The following KMO variants were observed in gnomAD, a reference collection of about 807,000 sequenced individuals.
The protein encoded by KMO is kynurenine 3-monooxygenase.
In KMO, 24 loss-of-function variants were observed where a neutral mutation model predicts 57.8. That is an observed-to-expected ratio of 0.42 (90% CI 0.30 to 0.58). KMO has a LOEUF of 0.58. KMO is among the 20% of genes least tolerant of loss of function. The pLI is 0.22. For missense variants in KMO, 483 were observed against 588.2 expected (o/e 0.82, Z 1.85); for synonymous variants, 210 against 193.6 (o/e 1.08, Z -0.70).
intron 1 of KMO, among the ~76,000 whole-genome samples, chr1:241,533,041 A>G (rs1341147687): frequency 6.6e-6 from 1 of 152,238 alleles, no homozygotes; most frequent in African/African-American, 2.4e-5. Flanking sequence ...CCAGTGGAGC[A>G]CCTAAGACAG....
chr1:241,569,735 G>A (rs574183939), intron 10 of KMO, among the ~76,000 whole-genome samples: 1 of 152,014 alleles, frequency 6.6e-6, no homozygotes, highest in African/African-American at 2.4e-5. Context: ...GAACCTCCAT[G>A]CTGTTTTCCA....
intron 1 of KMO, among the ~76,000 whole-genome samples, chr1:241,535,798 C>G (rs994029209): frequency 6.6e-6 from 1 of 152,208 alleles, no homozygotes; most frequent in African/African-American, 2.4e-5. Flanking sequence ...GGATTACCTC[C>G]TGCTAGTTCC....
Position 241,541,506 on chromosome 1 carries a change from T to C in KMO, c.55-7323T>C, listed in dbSNP as rs374809828. ...ACAGGTTCAGTAGTCACAGATGGAG[T>C]TCAGGACGAAGATCAAGACTAGAGT... On this transcript the variant is annotated intron_variant, in intron 1 of 14. Coordinates refer to ENST00000366559, the MANE Select transcript of KMO (RefSeq NM_003679.5). Among the ~76,000 whole-genome samples, 14 of 151,952 alleles carry C rather than the reference T, an allele frequency of 9.2e-5. No individual in the cohort carries two copies. In the South Asian group the frequency reaches 1.5e-3, roughly 16 times the overall value.
intron 1 of KMO, among the ~76,000 whole-genome samples, chr1:241,538,676 C>G (rs912303235): frequency 6.6e-6 from 1 of 152,064 alleles, no homozygotes; most frequent in African/African-American, 2.4e-5. Context: ...ATATGAAAAA[C>G]TCTCATTAGT....
intron 10 of KMO, among the ~76,000 whole-genome samples, chr1:241,576,741 G>A (rs1662534447): frequency 6.6e-6 from 1 of 151,978 alleles, no homozygotes; most frequent in Non-Finnish European, 1.5e-5. Flanking sequence ...TGTTCTTTTT[G>A]TAATGAATCT....
intron 1 of KMO, among the ~76,000 whole-genome samples, chr1:241,537,097 T>C (rs1660779153): frequency 6.6e-6 from 1 of 152,178 alleles, no homozygotes; most frequent in Non-Finnish European, 1.5e-5. Flanking sequence ...GGACTGGGAA[T>C]AGCAGAGTTT....
Position 241,557,374 on chromosome 1 carries a change from C to T in KMO, c.361+1714C>T, listed in dbSNP as rs968065914. ...TCTACTATCTTTTAAACTAGTCCCT[C>T]GTGATGGAGCCCAGTAGACTCTGAT... On this transcript the variant is annotated intron_variant, in intron 5 of 14. Coordinates refer to ENST00000366559, the MANE Select transcript of KMO (RefSeq NM_003679.5). Among the ~76,000 whole-genome samples the T allele has an allele frequency of 9.2e-5, 14 of 152,136 alleles. 1 individual carries two copies. Among genetic ancestry groups the T allele is most frequent in the Admixed American group, 6.5e-4 (10 of 15,284 alleles).
chr1:241,574,663 G>T (rs764755509), intron 10 of KMO, among the ~76,000 whole-genome samples: 42 of 151,902 alleles, frequency 2.8e-4, no homozygotes, highest in Non-Finnish European at 5.9e-4. Context: ...GTTGGATTTG[G>T]TTAGCTAGTA....
chr1:241,575,692 A>G (rs1289745752), intron 10 of KMO, among the ~76,000 whole-genome samples: 1 of 152,060 alleles, frequency 6.6e-6, no homozygotes, highest in Admixed American at 6.5e-5. Flanking sequence ...GACCTACCAT[A>G]TGGTTTATCT....
chr1:241,546,989 A>T (rs1046796463), intron 1 of KMO, among the ~76,000 whole-genome samples: 7 of 152,192 alleles, frequency 4.6e-5, no homozygotes, highest in African/African-American at 1.7e-4. Context: ...GAGAAGGTTA[A>T]TGTTTCCAGA....
In KMO at chr1:241,560,671, A is replaced by T. The variant is rs1661802657; in HGVS notation, c.368A>T (p.Glu123Val). The change falls in exon 6 of 15, where the codon GAG (glutamate) becomes GTG (valine). Residue 123 changes from glutamate (E) to valine (V), a missense_variant. This residue lies in a region of KMO where 410 missense variants were observed against 492.3 expected (regional missense o/e 0.83). Transcript: ENST00000366559. ...NLNKDLLTAA[E>V]KYPNVKMHFN... The stretch of plus-strand genomic sequence containing the variant: ...TCTTTCTCCATTTCCTCAGCTGCTG[A>T]GAAATACCCCAATGTGAAAATGCAC... The T allele has an allele frequency of 6.2e-7, 1 of 1,611,064 alleles. No individual in the cohort carries two copies. Among genetic ancestry groups the T allele is most frequent in the Non-Finnish European group, 8.5e-7 (1 of 1,177,228 alleles).
chr1:241,571,889 A>T lies in KMO; in HGVS notation c.957+3242A>T, dbSNP rs530670689. 3.2e-3 allele frequency among the ~76,000 whole-genome samples: 318 copies of T among 99,188 alleles called. 1 individual carries two copies. Among genetic ancestry groups the T allele is most frequent in the Middle Eastern group, 9.3e-3 (1 of 108 alleles). The allele number at this position is 99,188 out of a possible 152,430, so 65.1% of individuals were successfully genotyped here. A position where few individuals can be genotyped will look rare whatever the true frequency, so the allele number is the denominator to read the frequency against. ...CTTTTTTTTTTTTTTTTTTTTTGAG[A>T]TGGAGTCTCGCTCTGTTGCCAGGCT... On this transcript the variant is annotated intron_variant, in intron 10 of 14. Transcript: ENST00000366559.
chr1:241,588,549 G>A (rs1663111541), intron 11 of KMO, among the ~76,000 whole-genome samples, 199 bp from the exon 12 acceptor site: 1 of 151,912 alleles, frequency 6.6e-6, no homozygotes, highest in Non-Finnish European at 1.5e-5. Flanking sequence ...TAATTTTGTT[G>A]TAATTTTTAT....
rs183768927 is a variant in KMO at position 241,562,944 on chromosome 1, G to A, written c.615+612G>A. Among the ~76,000 whole-genome samples the A allele has an allele frequency of 4.6e-3, 364 of 78,390 alleles. 2 individuals are homozygous for A. Among genetic ancestry groups the A allele is most frequent in the African/African-American group, 0.012 (343 of 27,486 alleles). 51.4% of individuals were successfully genotyped at this position (78,390 alleles called of 152,430 possible). On this transcript the variant is annotated intron_variant, in intron 7 of 14. Coordinates refer to ENST00000366559, the MANE Select transcript of KMO (RefSeq NM_003679.5). ...GAAGGAAGGAAGGAAGGAAGGAGAC[G>A]GGAAGGGAAGGGAAGGGAAGGGAGA...
intron 11 of KMO, 26 bp downstream of exon 11, chr1:241,586,762 G>A: frequency 6.5e-7 from 1 of 1,536,118 alleles, no homozygotes; most frequent in Non-Finnish European, 8.9e-7. Context: ...TTCTCAACTG[G>A]ACATGTACTA....
intron 1 of KMO, among the ~76,000 whole-genome samples, chr1:241,536,914 A>T (rs1309027251): frequency 1.3e-5 from 2 of 152,182 alleles, no homozygotes; most frequent in Non-Finnish European, 2.9e-5. Context: ...ATGAGAGTTT[A>T]TGTCTCACAG....
intron 5 of KMO, among the ~76,000 whole-genome samples, chr1:241,559,130 T>A (rs1307872977): frequency 6.6e-6 from 1 of 151,998 alleles, no homozygotes; most frequent in Non-Finnish European, 1.5e-5. Context: ...TTTAACCTAA[T>A]ATATCCAAAA....
At chr1:241,591,440 A>G (rs1019244263) in intron 14 of KMO, among the ~76,000 whole-genome samples, 1 of 150,642 alleles carries the variant, frequency 6.6e-6, no homozygotes, top group Admixed American at 6.6e-5. Flanking sequence ...AAAAAAAAAG[A>G]AAAGAAATAG....
intron 4 of KMO, among the ~76,000 whole-genome samples, chr1:241,553,179 T>C (rs2147952391): frequency 6.6e-6 from 1 of 152,372 alleles, no homozygotes; most frequent in South Asian, 2.1e-4. Flanking sequence ...TTGTTTATTC[T>C]TATTTATTCT....
Sources: gnomAD v4.1 joint callset for allele counts (sites outside exome capture counted in the v4.1 genomes callset) on GRCh38, gnomAD v4.1.1 for gene constraint, gnomAD v4.1.1 regional missense constraint, MANE v1.5 for transcripts, NCBI Gene and HGNC (gene_info 2026-07-23, HGNC 2026-07-21) for gene names.